The following TRPM7 variants were observed in gnomAD, a reference collection of about 807,000 sequenced individuals.
The protein encoded by TRPM7 is transient receptor potential cation channel subfamily M member 7.
In TRPM7, 134 loss-of-function variants were observed where a neutral mutation model predicts 229.7. The ratio of observed to expected loss-of-function variants is 0.58; its 90% CI spans 0.51 to 0.67. TRPM7 has a LOEUF of 0.67. Among genes scored for constraint, TRPM7 ranks in the 30% least tolerant of loss-of-function variants. TRPM7 has a pLI of 0.00. For synonymous variants in TRPM7, 699 were observed against 715.2 expected (o/e 0.98, Z 0.36); for missense variants, 1,901 against 2,210.0 (o/e 0.86, Z 2.80).
At chr15:50,673,645 T>C (rs953010099) in intron 1 of TRPM7, among the ~76,000 whole-genome samples, 1 of 152,162 alleles carries the variant, frequency 6.6e-6, no homozygotes, top group Non-Finnish European at 1.5e-5. Flanking sequence ...TATATATATA[T>C]ATATACCACA....
At chr15:50,610,117 AT>A (rs2060028034) in intron 17 of TRPM7, among the ~76,000 whole-genome samples, 156 bp from the exon 18 acceptor site, 1 of 152,180 alleles carries the variant, frequency 6.6e-6, no homozygotes, top group Non-Finnish European at 1.5e-5. Context: ...CAACAAATTG[AT>A]TTTTTACTTA....
At chr15:50,610,260 C>T (rs558411175) in intron 17 of TRPM7, among the ~76,000 whole-genome samples, 31 of 152,120 alleles carry the variant, frequency 2.0e-4, no homozygotes, top group African/African-American at 7.2e-4. Context: ...AATCAGATTA[C>T]AATTTGTTCA....
chr15:50,639,631 A>G (rs1414723508), intron 5 of TRPM7, 83 bp from the exon 6 acceptor site: 8 of 1,287,854 alleles, frequency 6.2e-6, no homozygotes, highest in Non-Finnish European at 5.3e-6. Flanking sequence ...CAGTGGCGCA[A>G]TGACAGCTCA....
Position 50,639,686 on chromosome 15 carries a change from C to G in TRPM7, c.536-138G>C, listed in dbSNP as rs1413197031. The G allele has an allele frequency of 9.3e-6, 6 of 646,546 alleles. No homozygotes were observed. The Admixed American group carries it at 1.3e-4, about 14-fold the overall frequency. The allele number at this position is 646,546 out of a possible 1,614,324, so 40.1% of individuals were successfully genotyped here. A position where few individuals can be genotyped will look rare whatever the true frequency, so the allele number is the denominator to read the frequency against. On this transcript the variant is annotated intron_variant, in intron 5 of 38. Transcript: ENST00000646667. ...GACTCAAGCGATCCTCCCTTGTGAG[C>G]CTCCCCAGTAGGTGGGACTACAGGT...
At position 50,666,306 on chromosome 15, in the gene TRPM7, G is replaced by A. The variant is rs566025522; in HGVS notation, c.4-3260C>T. Among the ~76,000 whole-genome samples the A allele has an allele frequency of 3.3e-5, 5 of 151,598 alleles. No individual in the cohort carries two copies. In the South Asian group the frequency reaches 1.0e-3, roughly 32 times the overall value. On this transcript the variant is annotated intron_variant, in intron 1 of 38. Coordinates refer to ENST00000646667, the MANE Select transcript of TRPM7 (RefSeq NM_017672.6). Reference sequence around the variant, plus strand: ...ACAAAAAATTAGCCAAGCATGTGATGGCACGTGCCTGTAGACCCAGCTACT... The same window carrying A: ...ACAAAAAATTAGCCAAGCATGTGATAGCACGTGCCTGTAGACCCAGCTACT...
intron 4 of TRPM7, among the ~76,000 whole-genome samples, chr15:50,643,894 G>C (rs2061183716): frequency 6.6e-6 from 1 of 151,956 alleles, no homozygotes; most frequent in African/African-American, 2.4e-5. Context: ...CAGTGAGTTA[G>C]AAACATTAAG....
At chr15:50,645,067 A>G (rs1231300685) in intron 4 of TRPM7, among the ~76,000 whole-genome samples, 1 of 151,826 alleles carries the variant, frequency 6.6e-6, no homozygotes, top group Non-Finnish European at 1.5e-5. Context: ...CTGCGTAGCT[A>G]ATTTTTTAAA....
At chr15:50,578,766 A>G in intron 30 of TRPM7, 102 bp from the exon 31 acceptor site, 1 of 726,320 alleles carries the variant, frequency 1.4e-6, no homozygotes, top group Non-Finnish European at 2.0e-6. Flanking sequence ...AAAAAATATT[A>G]TTAAGGAAAT....
chr15:50,684,301 G>A lies in TRPM7; in HGVS notation c.3+2230C>T, dbSNP rs150120163. Among the ~76,000 whole-genome samples, 6 of 151,776 alleles carry A rather than the reference G, an allele frequency of 4.0e-5. No homozygotes were observed. The East Asian group carries it at 5.8e-4, about 15-fold the overall frequency. On this transcript the variant is annotated intron_variant, in intron 1 of 38. Transcript: ENST00000646667. ...CTGAGTAGCTAGGATTACCACGCCC[G>A]ATTACTGATCAAGTCTTTAGATTAA... is the stretch of plus-strand genomic sequence containing the variant.
chr15:50,659,059 G>A (rs28663516), intron 2 of TRPM7, among the ~76,000 whole-genome samples: 1,720 of 152,154 alleles, frequency 0.011, 35 homozygotes, highest in African/African-American at 0.04. Context: ...TTAGCCAGAT[G>A]TGGTGGCACA....
chr15:50,655,816 C>CTAGT (rs2140886446), intron 3 of TRPM7, among the ~76,000 whole-genome samples: 1 of 152,026 alleles, frequency 6.6e-6, no homozygotes, highest in South Asian at 2.1e-4. Flanking sequence ...ATGGTGAAAC[C>CTAGT]CCATCTATAC....
chr15:50,630,860 G>A (rs1031119813), intron 10 of TRPM7, among the ~76,000 whole-genome samples: 1 of 151,834 alleles, frequency 6.6e-6, no homozygotes, highest in Non-Finnish European at 1.5e-5. Flanking sequence ...TTGTGAGATA[G>A]GGTCTTGCTC....
rs752812844 is a variant in TRPM7, at chr15:50,574,260, T to G, written c.5308+14A>C. On this transcript the variant is annotated intron_variant, in intron 36 of 38. Coordinates refer to ENST00000646667, the MANE Select transcript of TRPM7 (RefSeq NM_017672.6). ...CTGCAGAATTTCACCTTAGCAATAT[T>G]TTAATAAATTTACCTTGCAAATCAA... 2 of 1,603,540 alleles carry G rather than the reference T, an allele frequency of 1.2e-6. No individual in the cohort carries two copies. Among genetic ancestry groups the G allele is most frequent in the Non-Finnish European group, 1.7e-6 (2 of 1,170,492 alleles).
chr15:50,613,270 G>A (rs1308217325), intron 15 of TRPM7, among the ~76,000 whole-genome samples: 1 of 152,156 alleles, frequency 6.6e-6, no homozygotes, highest in Non-Finnish European at 1.5e-5. Flanking sequence ...TTGGGAGGCT[G>A]AGGAGGATGG....
chr15:50,655,950 A>G lies in TRPM7; in HGVS notation c.122+1831T>C, dbSNP rs28831218. Among the ~76,000 whole-genome samples, 1,192 of 151,776 alleles carry G rather than the reference A, an allele frequency of 7.9e-3. 19 individuals are homozygous for G. Among genetic ancestry groups the G allele is most frequent in the African/African-American group, 0.028 (1,143 of 41,354 alleles). On this transcript the variant is annotated intron_variant, in intron 3 of 38. Transcript: ENST00000646667. ...GGTTGCTGTGAGCTGAGATCGCACC[A>G]CTGTATGCCATCTAGCCTGGGCAAC...
intron 1 of TRPM7, among the ~76,000 whole-genome samples, chr15:50,686,007 A>G (rs542106464): frequency 6.6e-6 from 1 of 152,360 alleles, no homozygotes; most frequent in African/African-American, 2.4e-5. Context: ...GTACCTGTAG[A>G]GTATCCGCTG....
At chr15:50,663,286 G>A (rs2061781988) in intron 1 of TRPM7, among the ~76,000 whole-genome samples, 1 of 152,004 alleles carries the variant, frequency 6.6e-6, no homozygotes, top group Non-Finnish European at 1.5e-5. Context: ...GTGCCACTAC[G>A]ACCAGATAAT....
intron 36 of TRPM7, among the ~76,000 whole-genome samples, chr15:50,571,661 C>T (rs1005037193): frequency 8.6e-5 from 13 of 151,952 alleles, no homozygotes; most frequent in African/African-American, 2.9e-4. Context: ...AAAAAGTCTC[C>T]GTTTGTGTAT....
rs1476395390 is a variant in TRPM7 at position 50,678,518 on chromosome 15, ATAT to A, written c.3+8010_3+8012del. On this transcript the variant is annotated intron_variant, in intron 1 of 38. Transcript: ENST00000646667. ...TAGTTCCATTCTTTAAAAAAAAAAA[ATAT>A]ATATATATATATATATATATACACA... is the stretch of plus-strand genomic sequence containing the variant. Among the ~76,000 whole-genome samples the A allele has an allele frequency of 3.0e-3, 358 of 118,392 alleles. 1 individual carries two copies. Among genetic ancestry groups the A allele is most frequent in the Middle Eastern group, 0.013 (3 of 234 alleles). 77.7% of individuals were successfully genotyped at this position (118,392 alleles called of 152,430 possible). A position where few individuals can be genotyped will look rare whatever the true frequency, so the allele number is the denominator to read the frequency against.
Sources: gnomAD v4.1 joint callset for allele counts (sites outside exome capture counted in the v4.1 genomes callset) on GRCh38, gnomAD v4.1.1 for gene constraint, MANE v1.5 for transcripts, NCBI Gene and HGNC (gene_info 2026-07-23, HGNC 2026-07-21) for gene names.